The following P2RY8 variants were observed in gnomAD, a reference collection of about 807,000 sequenced individuals.
P2RY8 encodes the protein S-geranylgeranyl-glutathione receptor P2RY8.
Under a neutral mutation model 10.0 loss-of-function variants are expected in P2RY8, and 6 were observed. The ratio of observed to expected loss-of-function variants is 0.60; its 90% CI spans 0.33 to 1.19. The LOEUF (loss-of-function observed/expected upper bound fraction) is 1.19, where lower values mean the gene tolerates loss of function less well. P2RY8 is among the 50% of genes most tolerant of loss of function. The pLI is 0.04. For synonymous variants in P2RY8, 276 were observed against 252.5 expected, an observed-to-expected ratio of 1.09 and a Z score of -0.88; for missense variants, 456 against 542.0, an observed-to-expected ratio of 0.84 and a Z score of 1.58.
At chrX:1,505,763 T>C (rs1376965482) in intron 1 of P2RY8, among the ~76,000 whole-genome samples, 41 of 151,886 alleles carry the variant, frequency 2.7e-4, no homozygotes, top group Admixed American at 7.9e-4. Context: ...GCACTCCAGC[T>C]TGGGCGACAG....
At chrX:1,485,940 T>C (rs1427990291) in intron 1 of P2RY8, among the ~76,000 whole-genome samples, 2 of 152,094 alleles carry the variant, frequency 1.3e-5, no homozygotes, top group East Asian at 1.9e-4. Flanking sequence ...AAAAAGGGGC[T>C]AGGTGTGGTG....
intron 1 of P2RY8, among the ~76,000 whole-genome samples, chrX:1,522,147 G>T (rs1275891174): frequency 6.6e-6 from 1 of 150,426 alleles, no homozygotes; most frequent in Non-Finnish European, 1.5e-5. Context: ...AGAGACGGGG[G>T]TTTCACCATG....
Position 1,516,163 on chromosome X carries a change from C to T in P2RY8, c.-25+20758G>A, listed in dbSNP as rs752395841. ...AGTGAGCGGAGGTTGCACCACTGCA[C>T]TCCAGCCTGGGCAAAAAGAGTGAAA... On this transcript the variant is annotated intron_variant, in intron 1 of 1. Transcript: ENST00000381297. Among the ~76,000 whole-genome samples, 29 of 151,568 alleles carry T rather than the reference C, an allele frequency of 1.9e-4. No individual in the cohort carries two copies. In the South Asian group the frequency reaches 6.1e-3, roughly 32 times the overall value.
At chrX:1,518,454 AAAATATT>A in intron 1 of P2RY8, among the ~76,000 whole-genome samples, 1 of 148,216 alleles carries the variant, frequency 6.7e-6, no homozygotes, top group Middle Eastern at 3.6e-3. Flanking sequence ...ATAATATAAT[AAAATATT>A]AAATATTTAA....
intron 1 of P2RY8, among the ~76,000 whole-genome samples, chrX:1,519,517 ATCTCTCTGGTCCCAATAT>A (rs1365484106): frequency 6.7e-6 from 1 of 149,924 alleles, no homozygotes; most frequent in Non-Finnish European, 1.5e-5. Context: ...ATTCCCAGTA[ATCTCTCTGGTCCCAATAT>A]TCTCTCTGGT....
At chrX:1,519,920 T>C (rs1324396834) in intron 1 of P2RY8, among the ~76,000 whole-genome samples, 2 of 151,438 alleles carry the variant, frequency 1.3e-5, no homozygotes, top group Non-Finnish European at 2.9e-5. Flanking sequence ...CAATAGTCTC[T>C]CTGGTCCCCA....
chrX:1,508,504 T>G (rs753794025), intron 1 of P2RY8, among the ~76,000 whole-genome samples: 85 of 152,264 alleles, frequency 5.6e-4, no homozygotes, highest in African/African-American at 2.0e-3. Flanking sequence ...GAGAGACTCC[T>G]TATATTGGTT....
chrX:1,509,689 C>T lies in P2RY8; in HGVS notation c.-25+27232G>A, dbSNP rs2092279645. On this transcript the variant is annotated intron_variant, in intron 1 of 1. Transcript: ENST00000381297. Reference sequence around the variant, plus strand: ...GTGTTCATCCATCCATCCATCCATCCATCCATCCATCCATCCATTTATTCT... The same window carrying T: ...GTGTTCATCCATCCATCCATCCATCTATCCATCCATCCATCCATTTATTCT... Among the ~76,000 whole-genome samples, 9 of 135,348 alleles carry T rather than the reference C, an allele frequency of 6.6e-5. 1 individual carries two copies. Among genetic ancestry groups the T allele is most frequent in the African/African-American group, 2.4e-4 (8 of 33,434 alleles). The allele number at this position is 135,348 out of a possible 152,430, so 88.8% of individuals were successfully genotyped here. A position where few individuals can be genotyped will look rare whatever the true frequency, so the allele number is the denominator to read the frequency against.
chrX:1,507,874 T>C (rs1189487276), intron 1 of P2RY8, among the ~76,000 whole-genome samples: 5 of 152,070 alleles, frequency 3.3e-5, no homozygotes, highest in Non-Finnish European at 7.4e-5. Flanking sequence ...GCTGATAACA[T>C]GTAAAGGCAC....
At position 1,509,610 on chromosome X, in the gene P2RY8, G is replaced by A. The variant is rs376707367; in HGVS notation, c.-25+27311C>T. ...ATTGTATCTATCATGTATCTATTATGTATCTATCATGTATGTATCTATCCA... is the reference window on the plus strand; with the variant it reads ...ATTGTATCTATCATGTATCTATTATATATCTATCATGTATGTATCTATCCA... On this transcript the variant is annotated intron_variant, in intron 1 of 1. Coordinates refer to ENST00000381297, the MANE Select transcript of P2RY8 (RefSeq NM_178129.5). Among the ~76,000 whole-genome samples the A allele has an allele frequency of 2.1e-4, 23 of 109,252 alleles. No individual in the cohort carries two copies. In the East Asian group the frequency reaches 6.1e-3, roughly 29 times the overall value. The allele number at this position is 109,252 out of a possible 152,430, so 71.7% of individuals were successfully genotyped here.
chrX:1,503,576 C>T (rs1285445637), intron 1 of P2RY8, among the ~76,000 whole-genome samples: 226 of 151,098 alleles, frequency 1.5e-3, no homozygotes, highest in African/African-American at 5.1e-3. Context: ...GCCTGGCCAA[C>T]GTGGTAAACC....
At chrX:1,536,354 A>C (rs1326773265) in intron 1 of P2RY8, among the ~76,000 whole-genome samples, 2 of 151,384 alleles carry the variant, frequency 1.3e-5, no homozygotes, top group East Asian at 1.9e-4. Context: ...CTCCACCTCC[A>C]GGGATCATGC....
At chrX:1,479,383 GT>G in intron 1 of P2RY8, among the ~76,000 whole-genome samples, 1 of 152,342 alleles carries the variant, frequency 6.6e-6, no homozygotes. Context: ...ACACTCCTCT[GT>G]AAGTATTTTT....
chrX:1,509,380 CT>C (rs2092273874), intron 1 of P2RY8, among the ~76,000 whole-genome samples: 1 of 98,740 alleles, frequency 1.0e-5, no homozygotes, highest in African/African-American at 3.2e-5. Flanking sequence ...TCTATTCTAT[CT>C]ATCTATCTAT....
chrX:1,502,844 G>A (rs1270910263), intron 1 of P2RY8, among the ~76,000 whole-genome samples: 1 of 150,882 alleles, frequency 6.6e-6, no homozygotes, highest in Admixed American at 6.6e-5. Flanking sequence ...GCGGCCACAA[G>A]CCCAGGGATG....
chrX:1,471,345 C>T (rs1364250314), intron 1 of P2RY8, among the ~76,000 whole-genome samples: 2 of 71,560 alleles, frequency 2.8e-5, no homozygotes, highest in Non-Finnish European at 5.0e-5. Context: ...ATTTTAGTAA[C>T]GACGGGGTTT....
At chrX:1,473,963 A>G (rs1237928344) in intron 1 of P2RY8, among the ~76,000 whole-genome samples, 4 of 138,628 alleles carry the variant, frequency 2.9e-5, no homozygotes, top group African/African-American at 1.1e-4. Flanking sequence ...GGGTGGATAG[A>G]TGGATGAGTG....
chrX:1,508,704 T>TCCATCCATCCATCCATCTATTCTATCTA lies in P2RY8; in HGVS notation c.-25+28216_-25+28217insTAGATAGAATAGATGGATGGATGGATGG, dbSNP rs1201683452. The stretch of plus-strand genomic sequence containing the variant: ...CATCATCCATCCATCCATCCATCCA[T>TCCATCCATCCATCCATCTATTCTATCTA]TCTATCTATCTATCTATCTATCTAT... On this transcript the variant is annotated intron_variant, in intron 1 of 1. Transcript: ENST00000381297. Among the ~76,000 whole-genome samples the TCCATCCATCCATCCATCTATTCTATCTA allele has an allele frequency of 2.2e-4, 25 of 112,076 alleles. 1 individual carries two copies. Among genetic ancestry groups the TCCATCCATCCATCCATCTATTCTATCTA allele is most frequent in the Non-Finnish European group, 3.1e-4 (16 of 50,812 alleles). The allele number at this position is 112,076 out of a possible 152,430, so 73.5% of individuals were successfully genotyped here.
Position 1,494,965 on chromosome X carries a change from G to A in P2RY8, c.-24-28383C>T, listed in dbSNP as rs1397563493. ...ACTCCTGACCTCAGGTGATCCACCC[G>A]CCTCGGCCTCCCAAAGTGCTGGGAT... On this transcript the variant is annotated intron_variant, in intron 1 of 1. Coordinates refer to ENST00000381297, the MANE Select transcript of P2RY8 (RefSeq NM_178129.5). 5.1e-5 allele frequency among the ~76,000 whole-genome samples: 7 copies of A among 136,710 alleles called. No individual in the cohort carries two copies. The East Asian group carries it at 7.4e-4, about 15-fold the overall frequency. The allele number at this position is 136,710 out of a possible 152,430, so 89.7% of individuals were successfully genotyped here. A position where few individuals can be genotyped will look rare whatever the true frequency, so the allele number is the denominator to read the frequency against.
Sources: gnomAD v4.1 joint callset for allele counts (sites outside exome capture counted in the v4.1 genomes callset) on GRCh38, gnomAD v4.1.1 for gene constraint, MANE v1.5 for transcripts, NCBI Gene and HGNC (gene_info 2026-07-23, HGNC 2026-07-21) for gene names.